ITPR3: variants seen among roughly 807,000 people sequenced by gnomAD.
The protein encoded by ITPR3 is inositol 1,4,5-trisphosphate-gated calcium channel ITPR3.
ITPR3 carries 173 observed loss-of-function variants against 293.2 expected under a neutral mutation model. The observed-to-expected ratio is 0.59, with a 90% confidence interval of 0.52 to 0.67. The LOEUF is 0.67. ITPR3 is among the 30% of genes least tolerant of loss of function. The pLI, the probability that ITPR3 is intolerant of heterozygous loss-of-function variation, is 0.00. For missense variants in ITPR3, 2,796 were observed against 3,592.1 expected, an observed-to-expected ratio of 0.78 and a Z score of 5.66; for synonymous variants, 1,295 against 1,444.4, an observed-to-expected ratio of 0.90 and a Z score of 2.35.
intron 2 of ITPR3, among the ~76,000 whole-genome samples, chr6:33,642,836 C>T (rs1271625905): frequency 6.6e-6 from 1 of 152,168 alleles, no homozygotes; most frequent in Non-Finnish European, 1.5e-5. Context: ...CTCCTTCCCC[C>T]TCTTCTCTGC....
rs1763869824 is a variant in ITPR3 at position 33,638,198 on chromosome 6, G to T, written c.90-2286G>T. Among the ~76,000 whole-genome samples the T allele has an allele frequency of 1.3e-5, 2 of 151,892 alleles. No individual in the cohort carries two copies. Among genetic ancestry groups the T allele is most frequent in the Admixed American group, 1.3e-4 (2 of 15,244 alleles). On this transcript the variant is annotated intron_variant, in intron 1 of 57. Coordinates refer to ENST00000605930, the MANE Select transcript of ITPR3 (RefSeq NM_002224.4). The surrounding 1 kb of genome is among the most constrained non-coding windows in gnomAD (Gnocchi z 4.3). The stretch of plus-strand genomic sequence containing the variant: ...TTTTTGTATTTTTAGTAGAGATGAG[G>T]TTTCACCATGTTGGTCAGGCGGGTC...
rs750556387 is a variant in ITPR3, at chr6:33,689,296, C to T, written c.6753C>T (p.Ile2251=). The change falls in exon 50 of 58, where the codon ATC becomes ATT. Residue 2251 remains isoleucine, a synonymous_variant. Transcript: ENST00000605930. ...LLFWILICFS[I]AALFTKRYSI... ...TCTGGATCCTCATCTGCTTCTCCAT[C>T]GCGGCCCTGTTCACCAAGCGCTACA... 1.1e-5 allele frequency: 17 copies of T among 1,612,328 alleles called. 1 individual carries two copies. Among genetic ancestry groups the T allele is most frequent in the South Asian group, 3.3e-5 (3 of 91,090 alleles).
Position 33,691,489 on chromosome 6 carries a change from T to G in ITPR3, c.7226-126T>G. The G allele has an allele frequency of 1.3e-6, 1 of 762,112 alleles. No individual in the cohort carries two copies. The highest frequency in any genetic ancestry group is 2.2e-6 in the Non-Finnish European group (1 of 457,344). 47.2% of individuals were successfully genotyped at this position (762,112 alleles called of 1,614,324 possible). A position where few individuals can be genotyped will look rare whatever the true frequency, so the allele number is the denominator to read the frequency against. The stretch of plus-strand genomic sequence containing the variant: ...AAGCGTGATGACCCTTCACTGTGGC[T>G]GGACAGTGGAGGGCTGGCGATCCAG... On this transcript the variant is annotated intron_variant, in intron 52 of 57. Transcript: ENST00000605930. This position sits in a 1 kb window ranked among gnomAD's most constrained non-coding sequence, Gnocchi z 4.9.
intron 1 of ITPR3, among the ~76,000 whole-genome samples, chr6:33,623,898 A>G (rs1763497289): frequency 6.6e-6 from 1 of 152,160 alleles, no homozygotes; most frequent in Non-Finnish European, 1.5e-5. Flanking sequence ...CCCTCCTAGC[A>G]TGGCTTTCTA....
chr6:33,645,455 C>T (rs559721813), intron 2 of ITPR3, among the ~76,000 whole-genome samples: 8 of 152,318 alleles, frequency 5.3e-5, no homozygotes, highest in South Asian at 4.1e-4. Context: ...TTCCATTGGG[C>T]GATAAACTGA....
At chr6:33,668,269 C>T (rs12195707) in intron 16 of ITPR3, among the ~76,000 whole-genome samples, 18,421 of 152,236 alleles carry the variant, frequency 0.12, 1,566 homozygotes, top group Middle Eastern at 0.21. Context: ...AATATCACCT[C>T]GGCCCTTGCG....
intron 1 of ITPR3, among the ~76,000 whole-genome samples, chr6:33,623,320 A>AGTT (rs1763480698): frequency 4.4e-5 from 2 of 45,820 alleles, no homozygotes; most frequent in Non-Finnish European, 7.9e-5. Flanking sequence ...AGTGCCTGTG[A>AGTT]GTTTTGTTTT....
chr6:33,667,929 C>T lies in ITPR3; in HGVS notation c.1851C>T (p.Thr617=). 6.2e-7 allele frequency: 1 copy of T among 1,614,222 alleles called. No individual in the cohort carries two copies. Among genetic ancestry groups the T allele is most frequent in the Non-Finnish European group, 8.5e-7 (1 of 1,180,042 alleles). The change falls in exon 16 of 58, where the codon ACC becomes ACT. Residue 617 remains threonine (T), a synonymous_variant. Coordinates refer to ENST00000605930, the MANE Select transcript of ITPR3 (RefSeq NM_002224.4). This position sits in a 1 kb window ranked among gnomAD's most constrained non-coding sequence, Gnocchi z 4.4. ...EKHITKTEVE[T]FVSLVRKNRE... ...ACATCACCAAGACCGAGGTGGAGAC[C>T]TTCGTCAGCCTTGTGCGCAAGAACC...
In ITPR3 at chr6:33,624,086, C is replaced by T. The variant is rs1763501453; in HGVS notation, c.89+2395C>T. On this transcript the variant is annotated intron_variant, in intron 1 of 57. Transcript: ENST00000605930. The surrounding 1 kb of genome is among the most constrained non-coding windows in gnomAD (Gnocchi z 4.7). ...AGTCTCCACCTGGGTAAATCTGTCC[C>T]ACCCTCTAAGGCTTAATGCAAAGTG... is the stretch of plus-strand genomic sequence containing the variant. 6.6e-6 allele frequency among the ~76,000 whole-genome samples: 1 copy of T among 152,228 alleles called. No homozygotes were observed. The highest frequency in any genetic ancestry group is 2.4e-5 in the African/African-American group (1 of 41,468).
Position 33,672,029 on chromosome 6 carries a change from G to C in ITPR3, c.2729G>C (p.Gly910Ala). 6.3e-7 allele frequency: 1 copy of C among 1,597,532 alleles called. No individual in the cohort carries two copies. Among genetic ancestry groups the C allele is most frequent in the Non-Finnish European group, 8.5e-7 (1 of 1,170,228 alleles). Reference sequence around the variant, plus strand: ...ACCTCCTCTGCTTCCCCCTCCACAGGCAAGAATGTGCGGCGGTCCATCCAG... The same window carrying C: ...ACCTCCTCTGCTTCCCCCTCCACAGCCAAGAATGTGCGGCGGTCCATCCAG... The part of the protein sequence containing the change: ...AMLQAYEDPG[G>A]KNVRRSIQGV... The change falls in exon 22 of 58, where the codon GGC (glycine) becomes GCC (alanine). Residue 910 changes from glycine (G) to alanine (A), a missense_variant and splice_region_variant. By Grantham distance (60) the Gly-to-Ala change is moderately conservative. Transcript: ENST00000605930. The surrounding 1 kb of genome is among the most constrained non-coding windows in gnomAD (Gnocchi z 5.0).
At position 33,654,438 on chromosome 6, in the gene ITPR3, A is replaced by G. The variant is rs1764260950; in HGVS notation, c.161-1328A>G. The stretch of plus-strand genomic sequence containing the variant: ...ATTGCCATTTTTCCCTTTTCTTTCT[A>G]GGAAGTTCTGTCTTCCTTGATCTTT... On this transcript the variant is annotated intron_variant, in intron 2 of 57. Coordinates refer to ENST00000605930, the MANE Select transcript of ITPR3 (RefSeq NM_002224.4). This position sits in a 1 kb window ranked among gnomAD's most constrained non-coding sequence, Gnocchi z 4.1. Among the ~76,000 whole-genome samples the G allele has an allele frequency of 6.6e-6, 1 of 151,972 alleles. No individual in the cohort carries two copies. The highest frequency in any genetic ancestry group is 2.1e-4 in the South Asian group (1 of 4,810).
chr6:33,685,512 C>A lies in ITPR3; in HGVS notation c.5461C>A (p.Pro1821Thr), dbSNP rs1462079442. The change falls in exon 40 of 58, where the codon CCA (proline) becomes ACA (threonine). Residue 1821 changes from proline to threonine, a missense_variant. Physicochemically the swap from Pro to Thr is conservative, Grantham distance 38. Coordinates refer to ENST00000605930, the MANE Select transcript of ITPR3 (RefSeq NM_002224.4). ...CAGCCAGCCACATGAGGACCGCGAGCCAGTCGACCCCACCACCAAAGGTCA... is the reference window on the plus strand; with the variant it reads ...CAGCCAGCCACATGAGGACCGCGAGACAGTCGACCCCACCACCAAAGGTCA... ...LGSQPHEDREPVDPTTKGRVA... is the reference protein window; with the variant it reads ...LGSQPHEDRETVDPTTKGRVA... The A allele has an allele frequency of 6.2e-7, 1 of 1,613,532 alleles. No individual in the cohort carries two copies. The highest frequency in any genetic ancestry group is 8.5e-7 in the Non-Finnish European group (1 of 1,179,686).
At chr6:33,688,563 T>C (rs1765302507) in intron 48 of ITPR3, 93 bp from the exon 49 acceptor site, 1 of 1,563,742 alleles carries the variant, frequency 6.4e-7, no homozygotes, top group African/African-American at 1.4e-5. Context: ...GGCTCTTCCA[T>C]GTGTGGCTTC....
Position 33,682,697 on chromosome 6 carries a change from A to C in ITPR3, c.4597+53A>C. 4 of 1,555,504 alleles carry C rather than the reference A, an allele frequency of 2.6e-6. No individual in the cohort carries two copies. The South Asian group carries it at 4.9e-5, about 19-fold the overall frequency. ...CCAAACCACTCCTCCTGCCGCTCACAGTGGGGACGCCTGCCCTCCTAATAA... is the reference window on the plus strand; with the variant it reads ...CCAAACCACTCCTCCTGCCGCTCACCGTGGGGACGCCTGCCCTCCTAATAA... On this transcript the variant is annotated intron_variant, in intron 34 of 57. Transcript: ENST00000605930. The surrounding 1 kb of genome is among the most constrained non-coding windows in gnomAD (Gnocchi z 5.4).
chr6:33,679,105 A>G lies in ITPR3; in HGVS notation c.3972+266A>G, dbSNP rs147998990. The stretch of plus-strand genomic sequence containing the variant: ...ACAACAGGCCAGAAAGAAATCAAGC[A>G]TGCATTCCTTGTCACTTGTCGTCGT... On this transcript the variant is annotated intron_variant, in intron 30 of 57. Coordinates refer to ENST00000605930, the MANE Select transcript of ITPR3 (RefSeq NM_002224.4). The surrounding 1 kb of genome is among the most constrained non-coding windows in gnomAD (Gnocchi z 4.2). Among the ~76,000 whole-genome samples the G allele has an allele frequency of 2.1e-3, 325 of 152,354 alleles. No individual in the cohort carries two copies. The highest frequency in any genetic ancestry group is 7.6e-3 in the African/African-American group (316 of 41,584).
rs367858487 is a variant in ITPR3, at chr6:33,678,862, C to T, written c.3972+23C>T. On this transcript the variant is annotated intron_variant, in intron 30 of 57. Coordinates refer to ENST00000605930, the MANE Select transcript of ITPR3 (RefSeq NM_002224.4). ...GAGGTGAGGGCGGGGCTGAGGGGTG[C>T]TCAGGCATCTTGGGGTGGGGGACCG... 6.9e-6 allele frequency: 11 copies of T among 1,600,054 alleles called. No homozygotes were observed. In the African/African-American group the frequency reaches 1.3e-4, roughly 19 times the overall value.
chr6:33,624,112 G>C lies in ITPR3; in HGVS notation c.89+2421G>C, dbSNP rs1279048525. Among the ~76,000 whole-genome samples, 1 of 152,236 alleles carries C rather than the reference G, an allele frequency of 6.6e-6. No individual in the cohort carries two copies. Among genetic ancestry groups the C allele is most frequent in the Admixed American group, 6.5e-5 (1 of 15,286 alleles). On this transcript the variant is annotated intron_variant, in intron 1 of 57. Coordinates refer to ENST00000605930, the MANE Select transcript of ITPR3 (RefSeq NM_002224.4). The surrounding 1 kb of genome is among the most constrained non-coding windows in gnomAD (Gnocchi z 4.7). Reference sequence around the variant, plus strand: ...ACCCTCTAAGGCTTAATGCAAAGTGGCCTCTTTTGAGAAATCCAGCTTCCC... The same window carrying C: ...ACCCTCTAAGGCTTAATGCAAAGTGCCCTCTTTTGAGAAATCCAGCTTCCC...
chr6:33,656,723 G>C (rs887127904), intron 3 of ITPR3, among the ~76,000 whole-genome samples: 2 of 152,232 alleles, frequency 1.3e-5, no homozygotes, highest in African/African-American at 2.4e-5. Flanking sequence ...AGAGTGGGAG[G>C]CTTTGGCTGT....
rs1373435678 is a variant in ITPR3 at position 33,632,723 on chromosome 6, GC to G, written c.90-7759del. Among the ~76,000 whole-genome samples the G allele has an allele frequency of 6.6e-6, 1 of 152,244 alleles. No individual in the cohort carries two copies. Among genetic ancestry groups the G allele is most frequent in the Admixed American group, 6.5e-5 (1 of 15,292 alleles). ...CCTCTGCTGTTCAGACTGGTCTTGT[GC>G]CTCCCAGTGGATGGAAGGCGCACTG... On this transcript the variant is annotated intron_variant, in intron 1 of 57. Coordinates refer to ENST00000605930, the MANE Select transcript of ITPR3 (RefSeq NM_002224.4). The surrounding 1 kb of genome is among the most constrained non-coding windows in gnomAD (Gnocchi z 4.1).
Sources: allele counts gnomAD v4.1 joint callset (sites outside exome capture counted in the v4.1 genomes callset), GRCh38; gene constraint gnomAD v4.1.1; non-coding constraint Gnocchi (gnomAD v3.1); transcripts MANE v1.5; gene names NCBI Gene and HGNC (gene_info 2026-07-23, HGNC 2026-07-21).